SHTN1: variants seen among roughly 807,000 people sequenced by gnomAD.
SHTN1 encodes the protein shootin 1, also known as shootin-1.
In SHTN1, 42 loss-of-function variants were observed where a neutral mutation model predicts 83.1. The observed-to-expected ratio is 0.51, with a 90% confidence interval of 0.39 to 0.65. The LOEUF is 0.65. SHTN1 is among the 30% of genes least tolerant of loss of function. The probability of loss-of-function intolerance (pLI) is 0.00; values close to 1 mark genes in which losing one functional copy is unlikely to be tolerated. For synonymous variants in SHTN1, 224 were observed against 247.7 expected (o/e 0.90, Z 0.90); for missense variants, 622 against 737.8 (o/e 0.84, Z 1.82).
At position 116,911,859 on chromosome 10, in the gene SHTN1, G is replaced by T. The variant is rs1392967393; in HGVS notation, c.1306-16C>A. The T allele has an allele frequency of 1.9e-6, 3 of 1,599,008 alleles. No individual in the cohort carries two copies. Among genetic ancestry groups the T allele is most frequent in the Non-Finnish European group, 2.6e-6 (3 of 1,167,144 alleles). The stretch of plus-strand genomic sequence containing the variant: ...AAGATTCTGGCTATAATTTTAATAA[G>T]AAAGAAAAATCACTGAGTAATTCAG... On this transcript the variant is annotated splice_polypyrimidine_tract_variant and intron_variant, in intron 13 of 16. Coordinates refer to ENST00000355371, the MANE Select transcript of SHTN1 (RefSeq NM_001127211.3).
chr10:116,895,484 A>G (rs1847486045), intron 16 of SHTN1, among the ~76,000 whole-genome samples: 2 of 152,172 alleles, frequency 1.3e-5, no homozygotes, highest in African/African-American at 4.8e-5. Context: ...ACTCTGTTTT[A>G]CTGGGTAACA....
chr10:116,996,674 T>C (rs996731898), intron 1 of SHTN1, among the ~76,000 whole-genome samples: 3 of 152,206 alleles, frequency 2.0e-5, no homozygotes, highest in African/African-American at 4.8e-5. Flanking sequence ...TAAGTATTTG[T>C]ATGCTTATAC....
In SHTN1 at chr10:117,098,226, A is replaced by G. The variant is rs1168942101; in HGVS notation, c.-189+28081T>C. ...ACACGGTGAAATCCCGTCTCTACTA[A>G]AAAAAAAAAAAAAAAAAAAAATTAG... On this transcript the variant is annotated intron_variant, in intron 1 of 17. Coordinates refer to the SHTN1 transcript ENST00000392901. 0.011 allele frequency among the ~76,000 whole-genome samples: 43 copies of G among 3,758 alleles called. No individual in the cohort carries two copies. In the Non-Finnish European group the frequency reaches 0.36, roughly 32 times the overall value. 2.5% of individuals were successfully genotyped at this position (3,758 alleles called of 152,430 possible). A position where few individuals can be genotyped will look rare whatever the true frequency, so the allele number is the denominator to read the frequency against.
At chr10:117,074,501 A>G (rs1853126393) in intron 1 of SHTN1, among the ~76,000 whole-genome samples, 2 of 152,182 alleles carry the variant, frequency 1.3e-5, no homozygotes, top group Admixed American at 1.3e-4. Flanking sequence ...ATAATCCATA[A>G]CTTTCATCAG....
At chr10:117,078,378 T>A (rs906939599) in intron 1 of SHTN1, among the ~76,000 whole-genome samples, 1 of 152,158 alleles carries the variant, frequency 6.6e-6, no homozygotes, top group African/African-American at 2.4e-5. Flanking sequence ...CCACTAGTTT[T>A]CCTGGTATGT....
chr10:117,085,663 T>C (rs1210706164), intron 1 of SHTN1, among the ~76,000 whole-genome samples: 1 of 152,214 alleles, frequency 6.6e-6, no homozygotes, highest in African/African-American at 2.4e-5. Context: ...AGTTCAACTA[T>C]GTCTTTATTG....
intron 15 of SHTN1, among the ~76,000 whole-genome samples, chr10:116,906,352 C>T (rs1488689840): frequency 6.6e-6 from 1 of 152,194 alleles, no homozygotes; most frequent in African/African-American, 2.4e-5. Flanking sequence ...GAATCTCTTC[C>T]TGAATGTCTT....
chr10:116,996,302 A>G (rs1851624030), intron 1 of SHTN1, among the ~76,000 whole-genome samples: 1 of 152,140 alleles, frequency 6.6e-6, no homozygotes, highest in South Asian at 2.1e-4. Context: ...GTTTTTTCTG[A>G]TACCTGGCTG....
intron 2 of SHTN1, among the ~76,000 whole-genome samples, chr10:117,026,871 C>T (rs1852339844): frequency 6.6e-6 from 1 of 152,180 alleles, no homozygotes; most frequent in African/African-American, 2.4e-5. Context: ...TGTAGAGACC[C>T]AGGGCCTTGA....
intron 1 of SHTN1, among the ~76,000 whole-genome samples, chr10:117,106,579 C>G (rs1853674089): frequency 1.3e-5 from 2 of 152,176 alleles, no homozygotes; most frequent in South Asian, 2.1e-4. Context: ...CAGGCACAAA[C>G]TTTTGGGATC....
At chr10:116,973,995 C>G in intron 2 of SHTN1, 1 of 1,153,608 alleles carries the variant, frequency 8.7e-7, no homozygotes, top group East Asian at 6.2e-5. Flanking sequence ...CTAAAGAATA[C>G]AACACATTAA....
At chr10:117,041,644 G>C (rs1251447660) in intron 2 of SHTN1, among the ~76,000 whole-genome samples, 1 of 152,114 alleles carries the variant, frequency 6.6e-6, no homozygotes, top group African/African-American at 2.4e-5. Flanking sequence ...GGTTCACCTT[G>C]GTTAGGTGAA....
chr10:117,000,762 T>C (rs1377637426), intron 1 of SHTN1, among the ~76,000 whole-genome samples: 1 of 152,158 alleles, frequency 6.6e-6, no homozygotes, highest in Non-Finnish European at 1.5e-5. Flanking sequence ...TAAAGTATCC[T>C]GCCCTCCCGT....
At chr10:117,038,853 T>A (rs561411610) in intron 2 of SHTN1, among the ~76,000 whole-genome samples, 6 of 152,302 alleles carry the variant, frequency 3.9e-5, no homozygotes, top group Middle Eastern at 3.4e-3. Context: ...CAAATGCTGA[T>A]GAGGATGTGA....
At chr10:116,946,368 A>G (rs188430570) in intron 7 of SHTN1, among the ~76,000 whole-genome samples, 81 of 147,484 alleles carry the variant, frequency 5.5e-4, no homozygotes, top group African/African-American at 1.9e-3. Flanking sequence ...CAAAAAAAGT[A>G]TACTACCTGA....
At chr10:116,952,097 G>T (rs958515148) in intron 5 of SHTN1, 91 bp from the exon 6 acceptor site, 27 of 556,518 alleles carry the variant, frequency 4.9e-5, no homozygotes, top group East Asian at 3.3e-4. Flanking sequence ...GCCAGTCCAT[G>T]TGCAGCTTAT....
In SHTN1 at chr10:116,881,526, G is replaced by A. The variant is rs754935679; in HGVS notation, c.*4818C>T. 1.3e-6 allele frequency: 2 copies of A among 1,542,594 alleles called. No individual in the cohort carries two copies. Among genetic ancestry groups the A allele is most frequent in the Non-Finnish European group, 1.7e-6 (2 of 1,144,262 alleles). On this transcript the variant is annotated 3_prime_UTR_variant, in exon 17 of 17. Coordinates refer to ENST00000355371, the MANE Select transcript of SHTN1 (RefSeq NM_001127211.3). ...GTTACTTTAAATAGGTTTCAAAGAA[G>A]AACACACTTTTTTTTACTTTAATGA...
intron 2 of SHTN1, among the ~76,000 whole-genome samples, chr10:117,047,867 T>G (rs1462113811): frequency 6.9e-6 from 1 of 144,216 alleles, no homozygotes; most frequent in Non-Finnish European, 1.5e-5. Context: ...TCCACCCACC[T>G]CAGCCTCCCA....
chr10:117,030,008 C>T (rs61873014), intron 2 of SHTN1, among the ~76,000 whole-genome samples: 4 of 151,800 alleles, frequency 2.6e-5, no homozygotes, highest in Non-Finnish European at 5.9e-5. Context: ...CCTGTCTCAG[C>T]CTCCCAAGTG....
Sources: allele counts gnomAD v4.1 joint callset (sites outside exome capture counted in the v4.1 genomes callset), GRCh38; gene constraint gnomAD v4.1.1; transcripts MANE v1.5; gene names NCBI Gene and HGNC (gene_info 2026-07-23, HGNC 2026-07-21).